Variants in CPO observed in about 807,000 individuals in gnomAD.
CPO encodes the protein metallocarboxypeptidase C.
CPO carries 43 observed loss-of-function variants against 41.2 expected under a neutral mutation model. The ratio of observed to expected loss-of-function variants is 1.04; its 90% CI spans 0.82 to 1.35. The LOEUF is 1.35. Ranked by LOEUF, CPO falls within the 40% of genes most tolerant of loss-of-function variation. The pLI is 0.00. For synonymous variants in CPO, 178 were observed against 162.7 expected, an observed-to-expected ratio of 1.09 and a Z score of -0.72; for missense variants, 408 against 451.7, an observed-to-expected ratio of 0.90 and a Z score of 0.88.
At chr2:206,955,782 G>A in intron 3 of CPO, among the ~76,000 whole-genome samples, 1 of 152,156 alleles carries the variant, frequency 6.6e-6, no homozygotes, top group East Asian at 1.9e-4. Flanking sequence ...GAATTTTGGA[G>A]AACTGAGTGG....
intron 1 of CPO, among the ~76,000 whole-genome samples, chr2:206,949,073 C>CAAA (rs11284442): frequency 1.6e-4 from 16 of 99,144 alleles, no homozygotes; most frequent in African/African-American, 5.0e-4. Flanking sequence ...TAAACCATTG[C>CAAA]AAAAAAAAAA....
chr2:206,960,546 C>T (rs1233687838), intron 5 of CPO, among the ~76,000 whole-genome samples: 1 of 152,198 alleles, frequency 6.6e-6, no homozygotes, highest in African/African-American at 2.4e-5. Flanking sequence ...GCAAACGTTC[C>T]CTGAGTAAGC....
intron 1 of CPO, among the ~76,000 whole-genome samples, chr2:206,943,674 T>TGATA (rs71987761): frequency 0.2 from 20,870 of 106,146 alleles, 2,040 homozygotes; most frequent in Non-Finnish European, 0.22. Flanking sequence ...GATAGATAGA[T>TGATA]GATAGATAGA....
intron 8 of CPO, 62 bp downstream of exon 8, chr2:206,968,409 G>A: frequency 2.1e-6 from 2 of 945,862 alleles, no homozygotes; most frequent in Non-Finnish European, 3.4e-6. Context: ...AGTGGACTTT[G>A]GATGGTGAGA....
rs540895201 is a variant in CPO at position 206,940,748 on chromosome 2, C to A, written c.68+1081C>A. 2.7e-4 allele frequency among the ~76,000 whole-genome samples: 41 copies of A among 151,986 alleles called. No individual in the cohort carries two copies. In the South Asian group the frequency reaches 5.2e-3, roughly 19 times the overall value. On this transcript the variant is annotated intron_variant, in intron 1 of 8. Coordinates refer to ENST00000272852, the MANE Select transcript of CPO (RefSeq NM_173077.3). ...GTATATGTGGTTATAATTGGTATTT[C>A]CTCTTTTGCTTCATGGTTAAAGAAA...
intron 1 of CPO, among the ~76,000 whole-genome samples, chr2:206,948,094 GA>G (rs1302499565): frequency 6.6e-6 from 1 of 152,150 alleles, no homozygotes; most frequent in African/African-American, 2.4e-5. Context: ...CAAATGAATT[GA>G]AAACATGTCA....
intron 1 of CPO, among the ~76,000 whole-genome samples, chr2:206,948,997 A>C (rs994540535): frequency 3.3e-5 from 5 of 151,646 alleles, no homozygotes; most frequent in Admixed American, 6.6e-5. Flanking sequence ...AACTATCTGC[A>C]TTTTCTGCTT....
chr2:206,945,952 A>C (rs775737403), intron 1 of CPO, among the ~76,000 whole-genome samples: 23 of 149,222 alleles, frequency 1.5e-4, no homozygotes, highest in Non-Finnish European at 3.0e-4. Context: ...AAATAAATAA[A>C]TATTTAAAAA....
In CPO at chr2:206,959,632, T is replaced by G. The variant is rs1309967296; in HGVS notation, c.374T>G (p.Ile125Ser). 1 of 1,305,912 alleles carries G rather than the reference T, an allele frequency of 7.7e-7. No individual in the cohort carries two copies. Among genetic ancestry groups the G allele is most frequent in the Non-Finnish European group, 1.1e-6 (1 of 906,974 alleles). The allele number at this position is 1,305,912 out of a possible 1,614,324, so 80.9% of individuals were successfully genotyped here. A position where few individuals can be genotyped will look rare whatever the true frequency, so the allele number is the denominator to read the frequency against. ...AACATTTCTTTCTTAAATTTCCAGA[T>G]TCTACAAAACCATAAAGACAACTCA... is the stretch of plus-strand genomic sequence containing the variant. ...PAFCQWFVKE[I>S]LQNHKDNSSI... Residue 125 changes from isoleucine (I) to serine (S), a missense_variant and splice_region_variant, in exon 5 of 9, where the codon ATT becomes AGT. Coordinates refer to ENST00000272852, the MANE Select transcript of CPO (RefSeq NM_173077.3).
At chr2:206,961,077 A>G in intron 6 of CPO, 135 bp downstream of exon 6, 1 of 669,014 alleles carries the variant, frequency 1.5e-6, no homozygotes. Flanking sequence ...AATGAGTTTT[A>G]TTCCCTCTAA....
intron 7 of CPO, among the ~76,000 whole-genome samples, chr2:206,965,513 A>G (rs1338152159): frequency 6.6e-6 from 1 of 152,218 alleles, no homozygotes; most frequent in Non-Finnish European, 1.5e-5. Context: ...ACATAACTAT[A>G]TATAGCCTCT....
At chr2:206,942,847 C>T (rs1301574957) in intron 1 of CPO, among the ~76,000 whole-genome samples, 2 of 152,054 alleles carry the variant, frequency 1.3e-5, no homozygotes, top group African/African-American at 4.8e-5. Context: ...ACAAAGTATT[C>T]GAGTTTCTGA....
Position 206,969,313 on chromosome 2 carries a change from G to A in CPO, c.1002G>A (p.Met334Ile), listed in dbSNP as rs1693641976. Residue 334 changes from methionine to isoleucine, a missense_variant, in exon 9 of 9, where the codon ATG becomes ATA. Coordinates refer to ENST00000272852, the MANE Select transcript of CPO (RefSeq NM_173077.3). The stretch of plus-strand genomic sequence containing the variant: ...TCCAGCCCACCTGTGAGGAGACCAT[G>A]GAGGCTGTGCTGTCAGTCCTGGATG... ...AQIQPTCEET[M>I]EAVLSVLDDV... The A allele has an allele frequency of 3.7e-6, 6 of 1,613,962 alleles. No homozygotes were observed. Among genetic ancestry groups the A allele is most frequent in the Non-Finnish European group, 5.1e-6 (6 of 1,180,002 alleles).
At chr2:206,961,741 C>G (rs1167670786) in intron 6 of CPO, among the ~76,000 whole-genome samples, 1 of 152,026 alleles carries the variant, frequency 6.6e-6, no homozygotes, top group Non-Finnish European at 1.5e-5. Context: ...GAACCTTACC[C>G]AGGAACCCAA....
intron 7 of CPO, among the ~76,000 whole-genome samples, chr2:206,962,944 G>T (rs890192316): frequency 6.6e-6 from 1 of 152,184 alleles, no homozygotes; most frequent in African/African-American, 2.4e-5. Context: ...TTGGAGCTCC[G>T]TTCAGCAATT....
chr2:206,956,436 T>G (rs60834064), intron 3 of CPO, among the ~76,000 whole-genome samples: 6 of 138,262 alleles, frequency 4.3e-5, no homozygotes, highest in South Asian at 2.3e-4. Flanking sequence ...AGCAGCAGCA[T>G]CACCACCTGA....
In CPO at chr2:206,955,469, G is replaced by A; in HGVS notation, c.172G>A (p.Glu58Lys). The change falls in exon 3 of 9, where the codon GAG becomes AAG. Residue 58 changes from glutamate to lysine, a missense_variant. Glu to Lys is a moderately conservative substitution (Grantham distance 56). Transcript: ENST00000272852. ...TCCTCCCTTGCTGTTTCAGATCTAT[G>A]AGTGGATGAGAGAGATCAGTGAGAA... ...NIYHPMGEIY[E>K]WMREISEKYK... 4 of 1,602,808 alleles carry A rather than the reference G, an allele frequency of 2.5e-6. No homozygotes were observed. The highest frequency in any genetic ancestry group is 3.4e-6 in the Non-Finnish European group (4 of 1,169,608).
intron 1 of CPO, 74 bp downstream of exon 1, chr2:206,939,741 C>A: frequency 2.3e-6 from 3 of 1,300,158 alleles, no homozygotes; most frequent in Non-Finnish European, 3.3e-6. Flanking sequence ...CTTTTTAAGA[C>A]CAATGCAGCT....
At chr2:206,949,780 G>T (rs528016582) in intron 2 of CPO, 67 bp downstream of exon 2, 9 of 980,924 alleles carry the variant, frequency 9.2e-6, no homozygotes, top group East Asian at 2.4e-5. Context: ...GCAAAGAATG[G>T]TTCACTAGTA....
Sources: gnomAD v4.1 joint callset for allele counts (sites outside exome capture counted in the v4.1 genomes callset) on GRCh38, gnomAD v4.1.1 for gene constraint, MANE v1.5 for transcripts, NCBI Gene and HGNC (gene_info 2026-07-23, HGNC 2026-07-21) for gene names.